The following RBFOX1 variants were observed in gnomAD, a reference collection of about 807,000 sequenced individuals.
The protein encoded by RBFOX1 is RNA binding protein fox-1 homolog 1.
A neutral mutation model predicts 57.7 loss-of-function variants in RBFOX1; 8 were observed. The ratio of observed to expected loss-of-function variants is 0.14; its 90% CI spans 0.08 to 0.25. The LOEUF (loss-of-function observed/expected upper bound fraction) is 0.25, where lower values mean the gene tolerates loss of function less well. RBFOX1 is among the 10% of genes least tolerant of loss of function. The pLI is 1.00. For missense variants in RBFOX1, 611 were observed against 548.5 expected (o/e 1.11, Z -1.14); for synonymous variants, 326 against 222.4 (o/e 1.47, Z -4.15).
At chr16:6,792,496 A>G (rs2083163061) in intron 3 of RBFOX1, among the ~76,000 whole-genome samples, 1 of 152,162 alleles carries the variant, frequency 6.6e-6, no homozygotes, top group African/African-American at 2.4e-5. Flanking sequence ...TTTTTGTGTC[A>G]TCTACCACCA....
chr16:6,522,555 A>T (rs958363932), intron 2 of RBFOX1, among the ~76,000 whole-genome samples: 1 of 152,190 alleles, frequency 6.6e-6, no homozygotes, highest in African/African-American at 2.4e-5. Flanking sequence ...AGCTGTTTCT[A>T]TTAATTTAGC....
intron 4 of RBFOX1, among the ~76,000 whole-genome samples, chr16:7,508,641 A>G (rs2074127796): frequency 6.6e-6 from 1 of 152,152 alleles, no homozygotes; most frequent in Non-Finnish European, 1.5e-5. Flanking sequence ...GGGCACAAAT[A>G]CTATGTATCC....
Position 7,572,843 on chromosome 16 carries a change from G to GAATAAATAAATAAATA in RBFOX1, c.271-6927_271-6912dup, listed in dbSNP as rs57189251. On this transcript the variant is annotated intron_variant, in intron 5 of 15. Coordinates refer to ENST00000550418, the MANE Select transcript of RBFOX1 (RefSeq NM_018723.4). ...AACAGAGTGAGAGTCTCTCTCAAAT[G>GAATAAATAAATAAATA]AATAAATAAATAAATAAATAAAATG... Among the ~76,000 whole-genome samples the GAATAAATAAATAAATA allele has an allele frequency of 8.2e-3, 1,199 of 146,744 alleles. 6 individuals carry two copies. The highest frequency in any genetic ancestry group is 0.012 in the Non-Finnish European group (812 of 66,812).
intron 4 of RBFOX1, among the ~76,000 whole-genome samples, chr16:7,202,311 A>G (rs1224587191): frequency 6.6e-6 from 1 of 151,982 alleles, no homozygotes; most frequent in Non-Finnish European, 1.5e-5. Context: ...AAAAAAAAAA[A>G]AAAGAAGCAC....
intron 1 of RBFOX1, among the ~76,000 whole-genome samples, chr16:6,051,089 C>T (rs74006575): frequency 0.037 from 5,570 of 150,358 alleles, 313 homozygotes; most frequent in African/African-American, 0.12. Context: ...TAGGTTGGTA[C>T]AAAAGTAATT....
At chr16:7,211,182 G>C (rs750723261) in intron 4 of RBFOX1, among the ~76,000 whole-genome samples, 1 of 151,580 alleles carries the variant, frequency 6.6e-6, no homozygotes, top group Admixed American at 6.6e-5. Context: ...ATGAGGTCAG[G>C]AGATCAAGAC....
chr16:7,023,019 G>C (rs1053177682), intron 3 of RBFOX1, among the ~76,000 whole-genome samples: 2 of 152,162 alleles, frequency 1.3e-5, no homozygotes, highest in Non-Finnish European at 2.9e-5. Context: ...TAATGTGAAG[G>C]TTGAAAAATA....
chr16:6,476,605 C>G (rs185385508), intron 2 of RBFOX1, among the ~76,000 whole-genome samples: 1 of 152,286 alleles, frequency 6.6e-6, no homozygotes, highest in East Asian at 1.9e-4. Flanking sequence ...GAGTTCTAAT[C>G]TTTTTGCTGG....
chr16:5,388,307 A>G (rs965189726), intron 1 of RBFOX1, among the ~76,000 whole-genome samples: 1 of 152,142 alleles, frequency 6.6e-6, no homozygotes. Context: ...GCTTCTTTGT[A>G]GTGGGAGGCT....
At chr16:7,036,215 T>C (rs78066618) in intron 3 of RBFOX1, among the ~76,000 whole-genome samples, 10 of 150,860 alleles carry the variant, frequency 6.6e-5, no homozygotes, top group South Asian at 2.1e-4. Flanking sequence ...TTTTTTTTTT[T>C]CCATGACAGC....
chr16:6,927,200 T>G (rs930457069), intron 3 of RBFOX1, among the ~76,000 whole-genome samples: 2 of 151,806 alleles, frequency 1.3e-5, no homozygotes, highest in African/African-American at 4.8e-5. Context: ...GGGATTTCAT[T>G]TTTTAACGAA....
upstream of RBFOX1, among the ~76,000 whole-genome samples, chr16:6,014,691 A>G (rs1219875960): frequency 6.6e-6 from 1 of 152,206 alleles, no homozygotes; most frequent in Non-Finnish European, 1.5e-5. Context: ...CTGAAGACTG[A>G]GAACTTGTGG....
chr16:6,216,567 C>G (rs552366742), intron 1 of RBFOX1, among the ~76,000 whole-genome samples: 3 of 152,182 alleles, frequency 2.0e-5, no homozygotes, highest in Non-Finnish European at 4.4e-5. Context: ...ACAGCTTCAG[C>G]CTTCGAGTGA....
At chr16:6,582,075 C>A (rs2097544147) in intron 2 of RBFOX1, among the ~76,000 whole-genome samples, 1 of 152,090 alleles carries the variant, frequency 6.6e-6, no homozygotes, top group Admixed American at 6.5e-5. Flanking sequence ...AGCTCCCCAC[C>A]CAACAAAGAA....
chr16:6,136,551 C>G (rs907653314), intron 1 of RBFOX1, among the ~76,000 whole-genome samples: 6 of 152,142 alleles, frequency 3.9e-5, no homozygotes, highest in African/African-American at 7.2e-5. Flanking sequence ...TTATGAATGC[C>G]TGAGTTCTGT....
intron 3 of RBFOX1, among the ~76,000 whole-genome samples, chr16:5,676,584 G>C (rs895285956): frequency 6.6e-6 from 1 of 152,118 alleles, no homozygotes; most frequent in African/African-American, 2.4e-5. Context: ...GAACATGCTG[G>C]GTGTGGTGGC....
At chr16:7,268,665 A>G (rs547266736) in intron 4 of RBFOX1, among the ~76,000 whole-genome samples, 1 of 152,238 alleles carries the variant, frequency 6.6e-6, no homozygotes, top group South Asian at 2.1e-4. Flanking sequence ...CTGTGAGTCA[A>G]TCCTGCCCAT....
chr16:7,183,710 T>C (rs1342375015), intron 4 of RBFOX1, among the ~76,000 whole-genome samples: 1 of 152,180 alleles, frequency 6.6e-6, no homozygotes, highest in African/African-American at 2.4e-5. Context: ...TGACTCACAC[T>C]GAACACAAGC....
chr16:5,895,983 G>A (rs564197021), intron 4 of RBFOX1, among the ~76,000 whole-genome samples: 1 of 152,286 alleles, frequency 6.6e-6, no homozygotes, highest in Admixed American at 6.5e-5. Flanking sequence ...AAGGGAGGAG[G>A]AAGTACGACA....
Sources: gnomAD v4.1 joint callset for allele counts (sites outside exome capture counted in the v4.1 genomes callset) on GRCh38, gnomAD v4.1.1 for gene constraint, MANE v1.5 for transcripts, NCBI Gene and HGNC (gene_info 2026-07-23, HGNC 2026-07-21) for gene names.